PDILT: variants seen among roughly 807,000 people sequenced by gnomAD.
PDILT encodes protein disulfide isomerase like, testis expressed, also known as protein disulfide-isomerase-like protein of the testis.
In PDILT, 43 loss-of-function variants were observed where a neutral mutation model predicts 53.7. The observed-to-expected ratio is 0.80, with a 90% confidence interval of 0.63 to 1.03. The LOEUF is 1.03. Among genes scored for constraint, PDILT ranks in the 50% least tolerant of loss-of-function variants. The probability of loss-of-function intolerance (pLI) is 0.00; values close to 1 mark genes in which losing one functional copy is unlikely to be tolerated. For synonymous variants in PDILT, 282 were observed against 274.2 expected, an observed-to-expected ratio of 1.03 and a Z score of -0.28; for missense variants, 727 against 712.3, an observed-to-expected ratio of 1.02 and a Z score of -0.24.
rs1278631592 is a variant in PDILT, at chr16:20,369,574, G to A, written c.1034C>T (p.Ala345Val). The A allele has an allele frequency of 6.2e-7, 1 of 1,614,184 alleles. No individual in the cohort carries two copies. The highest frequency in any genetic ancestry group is 2.2e-5 in the East Asian group (1 of 44,888). ...SVQILNLSSD[A>V]RYKMPSDDIT... ...GTCATCTGAAGGCATTTTGTACCTG[G>A]CGTCAGAGCTCAAGTTTAGGATTTG... The change falls in exon 8 of 12, where the codon GCC (alanine) becomes GTC (valine). Residue 345 changes from alanine (A) to valine (V), a missense_variant. Physicochemically the swap from Ala to Val is moderately conservative, Grantham distance 64. Coordinates refer to ENST00000302451, the MANE Select transcript of PDILT (RefSeq NM_174924.2).
Position 20,374,916 on chromosome 16 carries a change from T to C in PDILT, c.587A>G (p.Lys196Arg). The stretch of plus-strand genomic sequence containing the variant: ...TCCAAACGTTAGCTCTGGAAAGTCT[T>C]TGATCACATCATAGAACAACTCTGC... The part of the protein sequence containing the change: ...EVAELFYDVI[K>R]DFPELTFGVI... Residue 196 changes from lysine (K) to arginine (R), a missense_variant, in exon 5 of 12, where the codon AAA (lysine) becomes AGA (arginine). Coordinates refer to ENST00000302451, the MANE Select transcript of PDILT (RefSeq NM_174924.2). 6.2e-7 allele frequency: 1 copy of C among 1,614,020 alleles called. No homozygotes were observed. Among genetic ancestry groups the C allele is most frequent in the Non-Finnish European group, 8.5e-7 (1 of 1,179,908 alleles).
chr16:20,367,584 C>T (rs1966232696), intron 8 of PDILT, among the ~76,000 whole-genome samples: 1 of 152,132 alleles, frequency 6.6e-6, no homozygotes. Context: ...GAGACGGACA[C>T]CACCTCAGAT....
rs753052910 is a variant in PDILT, at chr16:20,365,560, G to A, written c.1117-20C>T. On this transcript the variant is annotated intron_variant, in intron 8 of 11. Transcript: ENST00000302451. ...ATGTTTCTAGGAAGCACATTTGAGA[G>A]GCCTAAGAGTCTTCATAAAGGGTCT... 8.7e-6 allele frequency: 14 copies of A among 1,612,978 alleles called. No homozygotes were observed. The South Asian group carries it at 1.5e-4, about 18-fold the overall frequency.
chr16:20,370,356 G>A (rs1294637059), intron 7 of PDILT, among the ~76,000 whole-genome samples: 1 of 152,180 alleles, frequency 6.6e-6, no homozygotes, highest in Non-Finnish European at 1.5e-5. Context: ...AATAAAACAG[G>A]GCAATGTGAT....
intron 2 of PDILT, chr16:20,385,893 A>G (rs985273781): frequency 2.0e-5 from 3 of 152,258 alleles, no homozygotes; most frequent in Non-Finnish European, 4.4e-5. Context: ...GTCAGAAATT[A>G]TGGAGACAGA....
At position 20,373,116 on chromosome 16, in the gene PDILT, T is replaced by G. The variant is rs762551414; in HGVS notation, c.688A>C (p.Ile230Leu). ...TTAATAAGCTTTTGGCGGTTCACAA[T>G]TTTTCCCTTGTACAAAAGGAGAAAC... ...DSVLVFKKGK[I>L]VNRQKLINDS... Residue 230 changes from isoleucine (I) to leucine (L), a missense_variant, in exon 6 of 12, where the codon ATT (isoleucine) becomes CTT (leucine). Transcript: ENST00000302451. 11 of 1,613,540 alleles carry G rather than the reference T, an allele frequency of 6.8e-6. No individual in the cohort carries two copies. The highest frequency in any genetic ancestry group is 8.5e-6 in the Non-Finnish European group (10 of 1,179,520).
intron 7 of PDILT, 94 bp from the exon 8 acceptor site, chr16:20,369,783 G>A (rs997163504): frequency 7.8e-6 from 10 of 1,287,350 alleles, no homozygotes; most frequent in Non-Finnish European, 1.1e-5. Context: ...GCACATGGTG[G>A]GGTCTGTGGA....
rs1596574224 is a variant in PDILT, at chr16:20,359,274, C to A, written c.*45G>T. The A allele has an allele frequency of 6.2e-7, 1 of 1,602,248 alleles. No individual in the cohort carries two copies. ...GAATCAATCCATTCAGAAAATGATGCCAGGATCTGGAAAATAAGCATCTTT... is the reference window on the plus strand; with the variant it reads ...GAATCAATCCATTCAGAAAATGATGACAGGATCTGGAAAATAAGCATCTTT... On this transcript the variant is annotated 3_prime_UTR_variant, in exon 12 of 12. Coordinates refer to ENST00000302451, the MANE Select transcript of PDILT (RefSeq NM_174924.2).
At chr16:20,386,030 T>A (rs553744623) in intron 2 of PDILT, 1 of 151,552 alleles carries the variant, frequency 6.6e-6, no homozygotes, top group East Asian at 1.9e-4. Context: ...GAAAACCAGG[T>A]GTGGGGAGGG....
At chr16:20,364,202 A>G (rs1353324588) in intron 9 of PDILT, among the ~76,000 whole-genome samples, 1 of 152,210 alleles carries the variant, frequency 6.6e-6, no homozygotes, top group African/African-American at 2.4e-5. Context: ...AATGAAATGG[A>G]CAGTCTTACA....
chr16:20,381,376 C>A (rs1966458854), intron 3 of PDILT, among the ~76,000 whole-genome samples: 1 of 152,134 alleles, frequency 6.6e-6, no homozygotes, highest in Non-Finnish European at 1.5e-5. Context: ...GTGGCTCACA[C>A]CTGTAATCCC....
chr16:20,392,958 AT>A (rs1328455293), intron 2 of PDILT, among the ~76,000 whole-genome samples: 5 of 152,110 alleles, frequency 3.3e-5, no homozygotes, highest in Non-Finnish European at 7.4e-5. Flanking sequence ...CCACTGCACC[AT>A]TTTTGGAAGG....
intron 9 of PDILT, 123 bp from the exon 10 acceptor site, chr16:20,362,705 CCTT>C (rs1966124550): frequency 1.4e-6 from 1 of 738,872 alleles, no homozygotes; most frequent in African/African-American, 1.8e-5. Flanking sequence ...TGCACTCCCT[CCTT>C]CTTTTAATCA....
rs759515436 is a variant in PDILT at position 20,399,130 on chromosome 16, C to A, written c.171G>T (p.Leu57=). ...VLTPAGLTQM[L]NQTRFLMVLF... is the part of the protein sequence containing the mutation. ...GCACCATGAGGAAGCGGGTCTGGTT[C>A]AGCATCTGGGTCAGGCCAGCGGGCG... The change falls in exon 2 of 12, where the codon CTG becomes CTT. Residue 57 remains leucine, a synonymous_variant. Transcript: ENST00000302451. The A allele has an allele frequency of 1.9e-6, 3 of 1,614,176 alleles. No individual in the cohort carries two copies. In the South Asian group the frequency reaches 3.3e-5, roughly 18 times the overall value.
At chr16:20,361,185 T>A (rs891016238) in intron 10 of PDILT, among the ~76,000 whole-genome samples, 2 of 121,838 alleles carry the variant, frequency 1.6e-5, no homozygotes, top group Non-Finnish European at 3.6e-5. Context: ...CAAGTTCCCT[T>A]TCCTCTTTTT....
At chr16:20,392,031 A>G (rs927065068) in intron 2 of PDILT, among the ~76,000 whole-genome samples, 10 of 151,982 alleles carry the variant, frequency 6.6e-5, no homozygotes, top group African/African-American at 2.2e-4. Context: ...GCAGGACAGC[A>G]TTGGAGAAGG....
At chr16:20,391,802 G>A (rs1041192118) in intron 2 of PDILT, among the ~76,000 whole-genome samples, 1 of 151,918 alleles carries the variant, frequency 6.6e-6, no homozygotes, top group Non-Finnish European at 1.5e-5. Context: ...GCATAGGAAG[G>A]CCTCCCAGCC....
intron 3 of PDILT, among the ~76,000 whole-genome samples, chr16:20,382,212 T>C (rs903667982): frequency 1.3e-5 from 2 of 152,334 alleles, no homozygotes; most frequent in Middle Eastern, 3.4e-3. Flanking sequence ...AACTATTTGT[T>C]AAGAACTTAA....
chr16:20,392,723 A>T (rs1056652270), intron 2 of PDILT, among the ~76,000 whole-genome samples: 6 of 152,218 alleles, frequency 3.9e-5, no homozygotes, highest in Non-Finnish European at 8.8e-5. Flanking sequence ...CTGCTTTGAA[A>T]TACCTGCTAG....
Sources: gnomAD v4.1 joint callset for allele counts (sites outside exome capture counted in the v4.1 genomes callset) on GRCh38, gnomAD v4.1.1 for gene constraint, MANE v1.5 for transcripts, NCBI Gene and HGNC (gene_info 2026-07-23, HGNC 2026-07-21) for gene names.